RGPD2: variants seen among roughly 807,000 people sequenced by gnomAD.
The protein encoded by RGPD2 is RANBP2-like and GRIP domain-containing protein 2.
A neutral mutation model predicts 36.0 loss-of-function variants in RGPD2; 2 were observed. The ratio of observed to expected loss-of-function variants is 0.06; its 90% CI spans 0.02 to 0.17. RGPD2 has a LOEUF of 0.17. Ranked by LOEUF, RGPD2 falls within the 10% of genes least tolerant of loss-of-function variation. The pLI, the probability that RGPD2 is intolerant of heterozygous loss-of-function variation, is 1.00. For missense variants in RGPD2, 40 were observed against 464.3 expected, an observed-to-expected ratio of 0.09 and a Z score of 8.40; for synonymous variants, 19 against 163.8, an observed-to-expected ratio of 0.12 and a Z score of 6.75.
chr2:87,831,873 T>TA, the RGPD2 span, among the ~76,000 whole-genome samples: 69 of 146,416 alleles, frequency 4.7e-4, no homozygotes, highest in African/African-American at 1.1e-3. Context: ...AGAATCACAG[T>TA]AAAAAAAAAA....
upstream of RGPD2, among the ~76,000 whole-genome samples, chr2:87,830,297 AC>A (rs1411984626): frequency 1.3e-4 from 20 of 152,330 alleles, no homozygotes; most frequent in African/African-American, 4.8e-4. Flanking sequence ...TTCTGCCTGG[AC>A]ATCCAGGCAT....
At chr2:87,831,476 CAA>C in the RGPD2 span, among the ~76,000 whole-genome samples, 5 of 151,896 alleles carry the variant, frequency 3.3e-5, no homozygotes, top group Admixed American at 6.6e-5. Flanking sequence ...AAAATAAAAA[CAA>C]AGAGAACCCC....
At chr2:87,842,959 G>A in the RGPD2 span, among the ~76,000 whole-genome samples, 1 of 149,320 alleles carries the variant, frequency 6.7e-6, no homozygotes, top group Non-Finnish European at 1.5e-5. Flanking sequence ...AAGCAATGGG[G>A]AAAGGATTCC....
chr2:87,945,084 AC>A, the RGPD2 span, among the ~76,000 whole-genome samples: 6 of 151,916 alleles, frequency 3.9e-5, no homozygotes, highest in Non-Finnish European at 5.9e-5. Context: ...ATAAACAGGA[AC>A]ACAAAAAAAT....
the RGPD2 span, among the ~76,000 whole-genome samples, chr2:87,917,294 GAAT>G: frequency 8.0e-6 from 1 of 125,392 alleles, no homozygotes; most frequent in East Asian, 2.3e-4. Flanking sequence ...GAAGGGTTTG[GAAT>G]ATAGGAATGA....
At chr2:87,988,543 T>TATATATATATATATATATATATA in the RGPD2 span, among the ~76,000 whole-genome samples, 9 of 27,806 alleles carry the variant, frequency 3.2e-4, 1 homozygote, top group South Asian at 7.8e-3. Context: ...ATATATATAT[T>TATATATATATATATATATATATA]TTTTTTTTTT....
the RGPD2 span, among the ~76,000 whole-genome samples, chr2:87,988,317 T>A: frequency 7.5e-6 from 1 of 132,862 alleles, no homozygotes; most frequent in Non-Finnish European, 1.6e-5. Flanking sequence ...GATTGTATTT[T>A]GACAATAATA....
the RGPD2 span, among the ~76,000 whole-genome samples, chr2:87,894,702 A>G: frequency 6.8e-6 from 1 of 147,898 alleles, no homozygotes; most frequent in African/African-American, 2.5e-5. Context: ...TTTCAAGAAT[A>G]AGGAATGCGT....
the RGPD2 span, among the ~76,000 whole-genome samples, chr2:87,920,910 G>T: frequency 2.1e-5 from 2 of 96,670 alleles, no homozygotes; most frequent in Non-Finnish European, 4.3e-5. Context: ...AAAACAGAGG[G>T]GATAGTTCTT....
At chr2:87,848,876 G>GTT in the RGPD2 span, among the ~76,000 whole-genome samples, 1 of 150,228 alleles carries the variant, frequency 6.7e-6, no homozygotes, top group African/African-American at 2.4e-5. Context: ...GTGTGTGTGT[G>GTT]TGTGTGTGTG....
At chr2:87,989,563 C>T in the RGPD2 span, 1,019 of 408,672 alleles carry the variant, frequency 2.5e-3, 12 homozygotes, top group African/African-American at 0.019. Context: ...TAAAATAGTG[C>T]CAAAAAATGA....
the RGPD2 span, among the ~76,000 whole-genome samples, chr2:87,937,240 TGA>T: frequency 2.0e-5 from 3 of 151,742 alleles, no homozygotes; most frequent in Admixed American, 6.6e-5. Context: ...AAAAGTGTCT[TGA>T]GCAATAAGCA....
At chr2:87,885,107 A>G in the RGPD2 span, among the ~76,000 whole-genome samples, 1 of 152,024 alleles carries the variant, frequency 6.6e-6, no homozygotes, top group Admixed American at 6.6e-5. Flanking sequence ...TCATGGGGTT[A>G]TGAGGATAAT....
the RGPD2 span, among the ~76,000 whole-genome samples, chr2:87,919,152 T>C: frequency 6.6e-6 from 1 of 151,868 alleles, no homozygotes; most frequent in Non-Finnish European, 1.5e-5. Context: ...TAAACAGAAA[T>C]ACCAAAATTT....
chr2:87,988,542 T>TATA, the RGPD2 span, among the ~76,000 whole-genome samples: 157 of 37,430 alleles, frequency 4.2e-3, 4 homozygotes, highest in Middle Eastern at 0.013. Flanking sequence ...TATATATATA[T>TATA]TTTTTTTTTT....
chr2:87,916,673 G>A, the RGPD2 span, among the ~76,000 whole-genome samples: 1 of 151,834 alleles, frequency 6.6e-6, no homozygotes, highest in Non-Finnish European at 1.5e-5. Flanking sequence ...CTCCAGTCAC[G>A]CGAAGTGGCT....
chr2:87,952,616 A>G, the RGPD2 span, among the ~76,000 whole-genome samples: 3 of 152,120 alleles, frequency 2.0e-5, no homozygotes, highest in African/African-American at 4.8e-5. Flanking sequence ...TGTAATGTAT[A>G]TGAAGTGTGT....
chr2:87,861,669 C>A, the RGPD2 span, among the ~76,000 whole-genome samples: 1 of 151,636 alleles, frequency 6.6e-6, no homozygotes, highest in South Asian at 2.1e-4. Context: ...ATAAATCTGG[C>A]CTCTTTGATA....
chr2:87,825,416 G>GGCC (rs1306325278), intron 1 of RGPD2, among the ~76,000 whole-genome samples: 1,115 of 96,166 alleles, frequency 0.012, 29 homozygotes, highest in African/African-American at 0.03. Flanking sequence ...CCGAGGCCGA[G>GGCC]GCCGCCGCCG....
Sources: allele counts gnomAD v4.1 joint callset (sites outside exome capture counted in the v4.1 genomes callset), GRCh38; gene constraint gnomAD v4.1.1; transcripts MANE v1.5; gene names NCBI Gene and HGNC (gene_info 2026-07-23, HGNC 2026-07-21).